SMAP1: variants seen among roughly 807,000 people sequenced by gnomAD.
SMAP1 encodes the protein stromal membrane-associated protein 1.
SMAP1 carries 24 observed loss-of-function variants against 58.5 expected under a neutral mutation model. That is an observed-to-expected ratio of 0.41 (90% CI 0.30 to 0.58). SMAP1 has a LOEUF of 0.58. Among genes scored for constraint, SMAP1 ranks in the 20% least tolerant of loss-of-function variants. The pLI is 0.29. For missense variants in SMAP1, 563 were observed against 566.3 expected, an observed-to-expected ratio of 0.99 and a Z score of 0.06; for synonymous variants, 216 against 196.6, an observed-to-expected ratio of 1.10 and a Z score of -0.82.
intron 10 of SMAP1, 68 bp downstream of exon 10, chr6:70,858,297 T>TTG: frequency 8.2e-7 from 1 of 1,221,100 alleles, no homozygotes; most frequent in Non-Finnish European, 1.1e-6. Context: ...CTTTTTTTTT[T>TTG]TTTTTTTTTT....
intron 1 of SMAP1, among the ~76,000 whole-genome samples, chr6:70,715,469 G>T (rs1302919331): frequency 6.6e-6 from 1 of 152,120 alleles, no homozygotes. Context: ...TCTTTCCCAG[G>T]CATGGGAAGT....
intron 7 of SMAP1, among the ~76,000 whole-genome samples, chr6:70,843,697 C>T (rs1478066065): frequency 6.6e-6 from 1 of 152,158 alleles, no homozygotes; most frequent in African/African-American, 2.4e-5. Flanking sequence ...AGTATTAAGT[C>T]ATGGGGGTGG....
At chr6:70,759,009 A>G (rs1766636495) in intron 3 of SMAP1, among the ~76,000 whole-genome samples, 1 of 152,112 alleles carries the variant, frequency 6.6e-6, no homozygotes, top group South Asian at 2.1e-4. Context: ...AGAGAGCAGT[A>G]CATTCAGATT....
intron 1 of SMAP1, among the ~76,000 whole-genome samples, chr6:70,697,865 G>A (rs1198529227): frequency 6.6e-6 from 1 of 152,112 alleles, no homozygotes; most frequent in Non-Finnish European, 1.5e-5. Context: ...ATTGTATTGT[G>A]TCTTGAAAAG....
chr6:70,747,281 T>C (rs1414162002), intron 2 of SMAP1, among the ~76,000 whole-genome samples: 2 of 152,230 alleles, frequency 1.3e-5, no homozygotes, highest in African/African-American at 4.8e-5. Flanking sequence ...AACCTTTATT[T>C]GTTTACCAAT....
At chr6:70,772,583 A>C (rs1374155633) in intron 3 of SMAP1, among the ~76,000 whole-genome samples, 1 of 152,172 alleles carries the variant, frequency 6.6e-6, no homozygotes, top group Non-Finnish European at 1.5e-5. Context: ...GAATATGATG[A>C]GTGGTAAGAG....
intron 1 of SMAP1, among the ~76,000 whole-genome samples, chr6:70,714,359 C>T (rs967216045): frequency 2.0e-5 from 3 of 151,808 alleles, no homozygotes; most frequent in South Asian, 4.2e-4. Flanking sequence ...TGCTGTGATT[C>T]TTTGTGTAAC....
chr6:70,798,774 A>G, intron 6 of SMAP1, 37 bp downstream of exon 6: 1 of 1,442,868 alleles, frequency 6.9e-7, no homozygotes, highest in Non-Finnish European at 9.3e-7. Flanking sequence ...TATTAGGATT[A>G]CCATTTTATT....
chr6:70,760,191 G>A (rs1374874138), intron 3 of SMAP1, among the ~76,000 whole-genome samples: 1 of 152,034 alleles, frequency 6.6e-6, no homozygotes, highest in Non-Finnish European at 1.5e-5. Flanking sequence ...GTAAGATCTA[G>A]GTGAAGATTT....
intron 5 of SMAP1, among the ~76,000 whole-genome samples, chr6:70,795,025 T>G (rs4282370): frequency 0.51 from 77,473 of 151,850 alleles, 20,154 homozygotes; most frequent in African/African-American, 0.57. Context: ...CCTGACCTCA[T>G]TGCCACATTT....
At chr6:70,817,138 A>AT (rs34064328) in intron 6 of SMAP1, among the ~76,000 whole-genome samples, 4,034 of 140,502 alleles carry the variant, frequency 0.029, 117 homozygotes, top group South Asian at 0.11. Flanking sequence ...ATATATATAT[A>AT]TTTTTTTTTT....
chr6:70,793,809 A>G (rs1768477260), intron 5 of SMAP1, among the ~76,000 whole-genome samples: 2 of 151,970 alleles, frequency 1.3e-5, no homozygotes, highest in Admixed American at 6.6e-5. Flanking sequence ...GCAACCTCCC[A>G]CTGCAACCTC....
At chr6:70,757,684 A>G (rs1766556656) in intron 3 of SMAP1, among the ~76,000 whole-genome samples, 1 of 152,122 alleles carries the variant, frequency 6.6e-6, no homozygotes, top group South Asian at 2.1e-4. Flanking sequence ...AAAAAAACAA[A>G]CAACCCCATC....
rs369710462 is a variant in SMAP1 at position 70,808,791 on chromosome 6, C to T, written c.576+10054C>T. Among the ~76,000 whole-genome samples the T allele has an allele frequency of 3.9e-3, 598 of 151,904 alleles. 3 individuals are homozygous for T. Among genetic ancestry groups the T allele is most frequent in the African/African-American group, 0.014 (581 of 41,464 alleles). On this transcript the variant is annotated intron_variant, in intron 6 of 10. Coordinates refer to ENST00000370455, the MANE Select transcript of SMAP1 (RefSeq NM_001044305.3). Reference sequence around the variant, plus strand: ...TCACTATTATTTCAAACTGGTTTCTCGCCTACATTAGTTACTGCTCTCTTT... The same window carrying T: ...TCACTATTATTTCAAACTGGTTTCTTGCCTACATTAGTTACTGCTCTCTTT...
chr6:70,732,857 C>T (rs1185047897), intron 2 of SMAP1, among the ~76,000 whole-genome samples: 2 of 151,912 alleles, frequency 1.3e-5, no homozygotes, highest in African/African-American at 2.4e-5. Context: ...AAAAAACCAC[C>T]TGTAGCCTAA....
intron 6 of SMAP1, among the ~76,000 whole-genome samples, chr6:70,806,850 C>T (rs910491288): frequency 7.2e-5 from 11 of 152,122 alleles, no homozygotes; most frequent in Non-Finnish European, 1.5e-4. Flanking sequence ...AAACTAAATC[C>T]TCGAAGGACC....
intron 1 of SMAP1, among the ~76,000 whole-genome samples, chr6:70,723,699 C>T (rs1466741051): frequency 2.6e-5 from 4 of 152,092 alleles, no homozygotes; most frequent in Non-Finnish European, 5.9e-5. Flanking sequence ...TACTATATCC[C>T]CAGAGCCCTT....
At chr6:70,697,197 T>C (rs1214839181) in intron 1 of SMAP1, among the ~76,000 whole-genome samples, 2 of 152,246 alleles carry the variant, frequency 1.3e-5, no homozygotes, top group Non-Finnish European at 2.9e-5. Flanking sequence ...CTTTGTCTTT[T>C]GATTGGAGAG....
chr6:70,771,737 G>A (rs377347598), intron 3 of SMAP1, among the ~76,000 whole-genome samples: 6 of 152,088 alleles, frequency 3.9e-5, no homozygotes, highest in Non-Finnish European at 5.9e-5. Flanking sequence ...GCTTCCGCTC[G>A]CCCACGGTGT....
Sources: allele counts gnomAD v4.1 joint callset (sites outside exome capture counted in the v4.1 genomes callset), GRCh38; gene constraint gnomAD v4.1.1; transcripts MANE v1.5; gene names NCBI Gene and HGNC (gene_info 2026-07-23, HGNC 2026-07-21).